The following RARB variants were observed in gnomAD, a reference collection of about 807,000 sequenced individuals.
The protein encoded by RARB is HBV-activated protein.
A neutral mutation model predicts 51.9 loss-of-function variants in RARB; 17 were observed. That is an observed-to-expected ratio of 0.33 (90% CI 0.22 to 0.49). The LOEUF is 0.49. Ranked by LOEUF, RARB falls within the 20% of genes least tolerant of loss-of-function variation. The probability of loss-of-function intolerance (pLI) is 0.99; values close to 1 mark genes in which losing one functional copy is unlikely to be tolerated. For missense variants in RARB, 369 were observed against 550.8 expected, an observed-to-expected ratio of 0.67 and a Z score of 3.30; for synonymous variants, 215 against 195.4, an observed-to-expected ratio of 1.10 and a Z score of -0.84.
intron 1 of RARB, among the ~76,000 whole-genome samples, chr3:24,857,691 G>A (rs1702659797): frequency 1.3e-5 from 2 of 152,148 alleles, no homozygotes; most frequent in East Asian, 1.9e-4. Context: ...CAAGGCGGGT[G>A]GATCATTGAG....
intron 5 of RARB, among the ~76,000 whole-genome samples, chr3:25,245,111 G>C (rs772246574): frequency 6.6e-6 from 1 of 152,096 alleles, no homozygotes; most frequent in Non-Finnish European, 1.5e-5. Context: ...TATTTTAAGA[G>C]AGACTAAGAT....
intron 4 of RARB, among the ~76,000 whole-genome samples, chr3:25,138,284 A>G (rs574665048): frequency 5.7e-4 from 87 of 151,662 alleles, no homozygotes; most frequent in African/African-American, 2.1e-3. Context: ...AGCTGTTTAT[A>G]TTTTGCCTCC....
At chr3:24,847,249 C>G (rs888156627) in intron 1 of RARB, among the ~76,000 whole-genome samples, 5 of 152,196 alleles carry the variant, frequency 3.3e-5, no homozygotes, top group Admixed American at 2.6e-4. Context: ...GCAGCTGTCC[C>G]TGGCTTTGAA....
chr3:25,173,346 A>G (rs1377505232), intron 4 of RARB, among the ~76,000 whole-genome samples: 2 of 152,198 alleles, frequency 1.3e-5, no homozygotes, highest in African/African-American at 4.8e-5. Context: ...GTATATCTCT[A>G]GTTCTTACAT....
intron 2 of RARB, among the ~76,000 whole-genome samples, chr3:24,870,855 C>T (rs1702933868): frequency 6.6e-6 from 1 of 152,058 alleles, no homozygotes; most frequent in South Asian, 2.1e-4. Flanking sequence ...GATCCATCAC[C>T]TCAAGCGTTT....
intron 5 of RARB, among the ~76,000 whole-genome samples, chr3:25,223,399 G>T (rs1701989757): frequency 6.6e-6 from 1 of 152,200 alleles, no homozygotes; most frequent in South Asian, 2.1e-4. Flanking sequence ...GAGGCTAGAA[G>T]AAATATCCAT....
chr3:25,069,752 G>A (rs142544654), intron 3 of RARB, among the ~76,000 whole-genome samples: 76 of 152,254 alleles, frequency 5.0e-4, no homozygotes, highest in African/African-American at 1.7e-3. Context: ...CTTTTTGCTG[G>A]GACAGTCGAC....
chr3:25,434,529 C>CTTTTTT (rs140015265), intron 1 of RARB, among the ~76,000 whole-genome samples: 7 of 123,034 alleles, frequency 5.7e-5, no homozygotes, highest in African/African-American at 6.3e-5. Context: ...CTTGGTACTC[C>CTTTTTT]TTTTTTTTTT....
intron 3 of RARB, among the ~76,000 whole-genome samples, chr3:25,080,304 A>G (rs1698967748): frequency 6.6e-6 from 1 of 152,230 alleles, no homozygotes; most frequent in East Asian, 1.9e-4. Context: ...TTATCTTTGT[A>G]TAACACATTT....
chr3:25,573,350 C>T (rs1157007167), intron 4 of RARB, among the ~76,000 whole-genome samples: 2 of 152,148 alleles, frequency 1.3e-5, no homozygotes, highest in East Asian at 3.9e-4. Context: ...GGTGAGTCAC[C>T]CCCAGTCCTC....
chr3:24,969,316 A>T (rs374671763), intron 2 of RARB, among the ~76,000 whole-genome samples: 4 of 152,092 alleles, frequency 2.6e-5, no homozygotes, highest in East Asian at 3.9e-4. Flanking sequence ...AGCATAAAGA[A>T]AGCACCATCT....
chr3:25,142,637 T>C (rs1488673045), intron 4 of RARB, among the ~76,000 whole-genome samples: 1 of 151,806 alleles, frequency 6.6e-6, no homozygotes, highest in Non-Finnish European at 1.5e-5. Flanking sequence ...TCTGAGAGCA[T>C]GGCCGTTTGC....
intron 2 of RARB, among the ~76,000 whole-genome samples, chr3:24,954,582 G>T (rs1695968415): frequency 6.6e-6 from 1 of 152,132 alleles, no homozygotes; most frequent in Non-Finnish European, 1.5e-5. Flanking sequence ...CATCAATCTA[G>T]AACCTGGGGA....
rs2125564080 is a variant in RARB at position 25,468,001 on chromosome 3, C to T, written c.306+6660C>T. On this transcript the variant is annotated intron_variant, in intron 2 of 7. Transcript: ENST00000330688. ...TTCTATTTCACAGGGGTCAAGGGGG[C>T]CTGATGTGATGGGGGTCAGGTGGGA... is the stretch of plus-strand genomic sequence containing the variant. Among the ~76,000 whole-genome samples the T allele has an allele frequency of 1.3e-5, 2 of 151,932 alleles. 1 individual carries two copies.
chr3:25,000,956 C>A (rs1241242622), intron 2 of RARB, among the ~76,000 whole-genome samples: 1 of 152,008 alleles, frequency 6.6e-6, no homozygotes, highest in East Asian at 1.9e-4. Flanking sequence ...GATACTTGGA[C>A]AAAATTATGG....
chr3:24,924,120 G>A (rs1695270676), intron 2 of RARB, among the ~76,000 whole-genome samples: 2 of 152,004 alleles, frequency 1.3e-5, no homozygotes, highest in Admixed American at 6.6e-5. Flanking sequence ...TCTACCAGAG[G>A]CATCCCAGAA....
intron 5 of RARB, among the ~76,000 whole-genome samples, chr3:25,244,981 G>A (rs1002734855): frequency 6.6e-6 from 1 of 151,772 alleles, no homozygotes; most frequent in African/African-American, 2.4e-5. Flanking sequence ...TTATGAATCT[G>A]GGTGCTCCCG....
chr3:25,221,957 G>A (rs555666707), intron 5 of RARB, among the ~76,000 whole-genome samples: 9 of 152,298 alleles, frequency 5.9e-5, no homozygotes, highest in African/African-American at 1.7e-4. Context: ...ATTAGCACAT[G>A]TTGTATCCTG....
chr3:25,246,931 TC>T (rs1039716977), intron 5 of RARB, among the ~76,000 whole-genome samples: 1 of 152,198 alleles, frequency 6.6e-6, no homozygotes, highest in African/African-American at 2.4e-5. Context: ...AGCTGCCCCT[TC>T]CCTCAGGTGC....
Sources: gnomAD v4.1 joint callset for allele counts (sites outside exome capture counted in the v4.1 genomes callset) on GRCh38, gnomAD v4.1.1 for gene constraint, MANE v1.5 for transcripts, NCBI Gene and HGNC (gene_info 2026-07-23, HGNC 2026-07-21) for gene names.